The following CCDC77 variants were observed in gnomAD, a reference collection of about 807,000 sequenced individuals.
CCDC77 encodes coiled-coil domain-containing protein 77.
CCDC77 carries 56 observed loss-of-function variants against 66.8 expected under a neutral mutation model. That is an observed-to-expected ratio of 0.84 (90% CI 0.68 to 1.05). The LOEUF (loss-of-function observed/expected upper bound fraction) is 1.05, where lower values mean the gene tolerates loss of function less well. Among genes scored for constraint, CCDC77 ranks in the 50% least tolerant of loss-of-function variants. The pLI, the probability that CCDC77 is intolerant of heterozygous loss-of-function variation, is 0.00. For missense variants in CCDC77, 570 were observed against 576.8 expected (o/e 0.99, Z 0.12); for synonymous variants, 196 against 195.2 (o/e 1.00, Z -0.03).
At chr12:395,880 T>C (rs938420522) in intron 1 of CCDC77, among the ~76,000 whole-genome samples, 1 of 149,812 alleles carries the variant, frequency 6.7e-6, no homozygotes, top group Non-Finnish European at 1.5e-5. Flanking sequence ...GGCGACAGAG[T>C]GAGACTCTGT....
rs1945267190 is a variant in CCDC77, at chr12:416,357, GTGTGTGTGTGTGTGTGTGTGTATA to G, written c.271-2135_271-2112del. On this transcript the variant is annotated intron_variant, in intron 4 of 12. Transcript: ENST00000239830. ...TGGGTGTGTGGGGGTGTGTGTGTGT[GTGTGTGTGTGTGTGTGTGTGTATA>G]TATATATATATATATATATATATAT... 4.8e-4 allele frequency among the ~76,000 whole-genome samples: 19 copies of G among 39,826 alleles called. 4 individuals carry two copies. In the Admixed American group the frequency reaches 8.7e-3, roughly 18 times the overall value. The allele number at this position is 39,826 out of a possible 152,430, so 26.1% of individuals were successfully genotyped here. A position where few individuals can be genotyped will look rare whatever the true frequency, so the allele number is the denominator to read the frequency against.
chr12:423,489 G>T (rs7398684), intron 5 of CCDC77, among the ~76,000 whole-genome samples: 6,891 of 31,782 alleles, frequency 0.22, 1,179 homozygotes, highest in East Asian at 0.46. Flanking sequence ...GTTTTTTTTT[G>T]TTTTGTTTTT....
intron 9 of CCDC77, among the ~76,000 whole-genome samples, chr12:436,501 G>A (rs942832393): frequency 1.3e-5 from 2 of 152,090 alleles, no homozygotes; most frequent in African/African-American, 4.8e-5. Context: ...TGGGATTACA[G>A]GCGGGAGCCA....
chr12:400,791 G>T (rs887782909), upstream of CCDC77, among the ~76,000 whole-genome samples: 12 of 152,132 alleles, frequency 7.9e-5, no homozygotes, highest in African/African-American at 2.9e-4. Flanking sequence ...ACCAAATGTG[G>T]TGCAGAGACA....
chr12:416,357 G>GTA lies in CCDC77; in HGVS notation c.271-2136_271-2135insAT, dbSNP rs1309603806. Among the ~76,000 whole-genome samples the GTA allele has an allele frequency of 1.8e-3, 71 of 39,822 alleles. 3 individuals are homozygous for GTA. The South Asian group carries it at 0.023, about 13-fold the overall frequency. 26.1% of individuals were successfully genotyped at this position (39,822 alleles called of 152,430 possible). ...TGGGTGTGTGGGGGTGTGTGTGTGT[G>GTA]TGTGTGTGTGTGTGTGTGTGTATAT... On this transcript the variant is annotated intron_variant, in intron 4 of 12. Coordinates refer to ENST00000239830, the MANE Select transcript of CCDC77 (RefSeq NM_032358.4).
At position 424,408 on chromosome 12, in the gene CCDC77, G is replaced by A. The variant is rs368770826; in HGVS notation, c.414-4361G>A. Among the ~76,000 whole-genome samples the A allele has an allele frequency of 2.5e-4, 38 of 150,376 alleles. No homozygotes were observed. The East Asian group carries it at 3.3e-3, about 13-fold the overall frequency. On this transcript the variant is annotated intron_variant, in intron 5 of 12. Coordinates refer to ENST00000239830, the MANE Select transcript of CCDC77 (RefSeq NM_032358.4). ...TTTAGGGGCAGGGTATCACTCTGTCGGCCAGGGTGATCCTCCTGCCTTAGC... is the reference window on the plus strand; with the variant it reads ...TTTAGGGGCAGGGTATCACTCTGTCAGCCAGGGTGATCCTCCTGCCTTAGC...
In CCDC77 at chr12:442,354, C is replaced by G. The variant is rs1945872812; in HGVS notation, c.*434C>G. 6.4e-6 allele frequency: 1 copy of G among 156,800 alleles called. No homozygotes were observed. Among genetic ancestry groups the G allele is most frequent in the Non-Finnish European group, 1.4e-5 (1 of 70,898 alleles). 9.7% of individuals were successfully genotyped at this position (156,800 alleles called of 1,614,324 possible). A position where few individuals can be genotyped will look rare whatever the true frequency, so the allele number is the denominator to read the frequency against. On this transcript the variant is annotated 3_prime_UTR_variant, in exon 13 of 13. Transcript: ENST00000239830. Reference sequence around the variant, plus strand: ...TCTCCTGAGCTCGGGGAGAAGGCAGCACATCACAACCTGTCACATTGAAAT... The same window carrying G: ...TCTCCTGAGCTCGGGGAGAAGGCAGGACATCACAACCTGTCACATTGAAAT...
At chr12:390,736 A>AACACACACACACACACACACACACACAC (rs58938735) in intron 1 of CCDC77, among the ~76,000 whole-genome samples, 33 of 149,456 alleles carry the variant, frequency 2.2e-4, no homozygotes, top group African/African-American at 8.1e-4. Context: ...TATCTTTATA[A>AACACACACACACACACACACACACACAC]ACACACACAC....
intron 9 of CCDC77, among the ~76,000 whole-genome samples, chr12:435,728 CT>C (rs766340689): frequency 6.6e-6 from 1 of 152,102 alleles, no homozygotes; most frequent in Non-Finnish European, 1.5e-5. Context: ...TATCTCCTGT[CT>C]GATTGTTTTG....
chr12:409,958 A>G (rs1382352405), intron 3 of CCDC77, among the ~76,000 whole-genome samples: 1 of 150,898 alleles, frequency 6.6e-6, no homozygotes. Context: ...AGATCACGCC[A>G]CTGCACTCCA....
intron 9 of CCDC77, among the ~76,000 whole-genome samples, chr12:437,786 C>G (rs1264229416): frequency 6.9e-6 from 1 of 145,770 alleles, no homozygotes; most frequent in African/African-American, 2.6e-5. Flanking sequence ...GTCAGGGCTG[C>G]TGTGAGCTGT....
At chr12:390,323 T>G (rs1446473674) in intron 1 of CCDC77, among the ~76,000 whole-genome samples, 2 of 152,166 alleles carry the variant, frequency 1.3e-5, no homozygotes, top group East Asian at 3.9e-4. Context: ...ATTCATCTTG[T>G]CACTTTTCAT....
intron 5 of CCDC77, among the ~76,000 whole-genome samples, chr12:423,306 A>ATT (rs1399129967): frequency 7.1e-4 from 87 of 122,636 alleles, no homozygotes; most frequent in East Asian, 2.0e-3. Flanking sequence ...ATATATATAT[A>ATT]TATTTTTTTT....
chr12:419,341 C>T (rs1385853122), intron 5 of CCDC77, among the ~76,000 whole-genome samples: 1 of 152,208 alleles, frequency 6.6e-6, no homozygotes, highest in South Asian at 2.1e-4. Flanking sequence ...AGCCAAGTGT[C>T]ATTTTTCAGA....
At chr12:425,861 G>C (rs1349503786) in intron 5 of CCDC77, among the ~76,000 whole-genome samples, 1 of 151,720 alleles carries the variant, frequency 6.6e-6, no homozygotes, top group Admixed American at 6.6e-5. Context: ...TTTTGTTTTT[G>C]TTTGTTTGTT....
rs182560292 is a variant in CCDC77 at position 438,252 on chromosome 12, C to T, written c.822-83C>T. 2.8e-4 allele frequency: 264 copies of T among 952,886 alleles called. 3 individuals carry two copies. In the African/African-American group the frequency reaches 3.0e-3, roughly 11 times the overall value. 59.0% of individuals were successfully genotyped at this position (952,886 alleles called of 1,614,324 possible). A position where few individuals can be genotyped will look rare whatever the true frequency, so the allele number is the denominator to read the frequency against. ...ATATCACACCATTTTAAAAGAACCA[C>T]TCTCTTCCATTTTGGAATAATCCTT... is the stretch of plus-strand genomic sequence containing the variant. On this transcript the variant is annotated intron_variant, in intron 9 of 12. Transcript: ENST00000239830.
intron 9 of CCDC77, among the ~76,000 whole-genome samples, chr12:433,961 G>T (rs1945699757): frequency 6.6e-6 from 1 of 152,002 alleles, no homozygotes; most frequent in African/African-American, 2.4e-5. Flanking sequence ...TTTTGAATTG[G>T]TAAATATCTA....
intron 7 of CCDC77, 144 bp from the exon 8 acceptor site, chr12:431,722 C>G: frequency 1.8e-6 from 1 of 556,458 alleles, no homozygotes; most frequent in Non-Finnish European, 3.3e-6. Context: ...CTTTGTCTTC[C>G]GAATCCCTTC....
chr12:440,826 C>G lies in CCDC77; in HGVS notation c.1168-18C>G. Reference sequence around the variant, plus strand: ...CTTCCCTCACCTTCGTAAATGCCTTCCCATTCCCCATATTTAGGATCGCAC... The same window carrying G: ...CTTCCCTCACCTTCGTAAATGCCTTGCCATTCCCCATATTTAGGATCGCAC... On this transcript the variant is annotated intron_variant, in intron 11 of 12. Transcript: ENST00000239830. 1 of 1,613,152 alleles carries G rather than the reference C, an allele frequency of 6.2e-7. No individual in the cohort carries two copies. Among genetic ancestry groups the G allele is most frequent in the East Asian group, 2.2e-5 (1 of 44,882 alleles).
Sources: allele counts gnomAD v4.1 joint callset (sites outside exome capture counted in the v4.1 genomes callset), GRCh38; gene constraint gnomAD v4.1.1; transcripts MANE v1.5; gene names NCBI Gene and HGNC (gene_info 2026-07-23, HGNC 2026-07-21).